Variants in CPB2 observed in about 807,000 individuals in gnomAD.
The protein encoded by CPB2 is carboxypeptidase B2, also known as carboxypeptidase B-like protein.
Under a neutral mutation model 57.0 loss-of-function variants are expected in CPB2, and 54 were observed. The observed-to-expected ratio is 0.95, with a 90% confidence interval of 0.76 to 1.19. CPB2 has a LOEUF of 1.19. Ranked by LOEUF, CPB2 falls within the 50% of genes most tolerant of loss-of-function variation. CPB2 has a pLI of 0.00. For synonymous variants in CPB2, 189 were observed against 178.1 expected (o/e 1.06, Z -0.49); for missense variants, 426 against 512.0 (o/e 0.83, Z 1.62).
intron 8 of CPB2, among the ~76,000 whole-genome samples, chr13:46,061,040 A>T (rs980755120): frequency 2.0e-5 from 3 of 152,140 alleles, no homozygotes; most frequent in Non-Finnish European, 2.9e-5. Flanking sequence ...GAAGGTAGGG[A>T]TGAGGAGATA....
rs372363099 is a variant in CPB2, at chr13:46,075,710, C to A, written c.487-1733G>T. 2.6e-5 allele frequency among the ~76,000 whole-genome samples: 4 copies of A among 152,120 alleles called. No homozygotes were observed. The East Asian group carries it at 5.8e-4, about 22-fold the overall frequency. On this transcript the variant is annotated intron_variant, in intron 5 of 10. Coordinates refer to ENST00000181383, the MANE Select transcript of CPB2 (RefSeq NM_001872.5). ...TTATCTTTGAATGACTGAAGAGGCT[C>A]ACCTATCACAATTTAGATAATATTG... is the stretch of plus-strand genomic sequence containing the variant.
intron 1 of CPB2, among the ~76,000 whole-genome samples, chr13:46,094,606 CA>C (rs2045339946): frequency 6.6e-6 from 1 of 152,114 alleles, no homozygotes; most frequent in Non-Finnish European, 1.5e-5. Flanking sequence ...AGGGCTTAAC[CA>C]CCAGTAACAA....
At chr13:46,091,036 A>G (rs1193461822) in intron 1 of CPB2, among the ~76,000 whole-genome samples, 1 of 152,178 alleles carries the variant, frequency 6.6e-6, no homozygotes, top group African/African-American at 2.4e-5. Context: ...ACATTTTTAA[A>G]TTATGTTTTC....
At chr13:46,059,570 T>A (rs1427687079) in intron 8 of CPB2, among the ~76,000 whole-genome samples, 1 of 131,546 alleles carries the variant, frequency 7.6e-6, no homozygotes, top group Non-Finnish European at 1.6e-5. Flanking sequence ...TCATAACTGT[T>A]GCTGTTTATC....
In CPB2 at chr13:46,093,369, T is replaced by C. The variant is rs138845636; in HGVS notation, c.75-5549A>G. ...TTTATGTCAATCTCTGGTACAAGTT[T>C]AGCATAAACTATTAAACCACTGATT... On this transcript the variant is annotated intron_variant, in intron 1 of 10. Coordinates refer to ENST00000181383, the MANE Select transcript of CPB2 (RefSeq NM_001872.5). 1.2e-4 allele frequency among the ~76,000 whole-genome samples: 19 copies of C among 152,358 alleles called. No individual in the cohort carries two copies. In the East Asian group the frequency reaches 3.5e-3, roughly 28 times the overall value.
chr13:46,070,725 A>G lies in CPB2; in HGVS notation c.591+3148T>C, dbSNP rs139272623. On this transcript the variant is annotated intron_variant, in intron 6 of 10. Transcript: ENST00000181383. The stretch of plus-strand genomic sequence containing the variant: ...TCATTTTCATTACCATTACAAATAT[A>G]TCAGAGAGCTATCCGTCTCAGTTTT... Among the ~76,000 whole-genome samples the G allele has an allele frequency of 2.8e-3, 421 of 152,328 alleles. 1 individual carries two copies. The highest frequency in any genetic ancestry group is 0.02 in the Middle Eastern group (6 of 294).
At chr13:46,069,577 A>G (rs966854130) in intron 6 of CPB2, among the ~76,000 whole-genome samples, 2 of 152,186 alleles carry the variant, frequency 1.3e-5, no homozygotes, top group African/African-American at 4.8e-5. Context: ...TGGACATTTC[A>G]TATAAATGGA....
chr13:46,072,605 A>G (rs1221865384), intron 6 of CPB2, among the ~76,000 whole-genome samples: 2 of 152,152 alleles, frequency 1.3e-5, no homozygotes, highest in Non-Finnish European at 2.9e-5. Flanking sequence ...AAATAATTTA[A>G]TCTTACAAAG....
intron 8 of CPB2, among the ~76,000 whole-genome samples, chr13:46,060,187 G>T (rs988212794): frequency 4.6e-5 from 7 of 152,260 alleles, no homozygotes; most frequent in South Asian, 2.1e-4. Flanking sequence ...AGAAGGCCAG[G>T]CACGGTGGCT....
intron 8 of CPB2, among the ~76,000 whole-genome samples, chr13:46,061,986 T>TGGTA (rs990332074): frequency 6.6e-6 from 1 of 151,964 alleles, no homozygotes; most frequent in Non-Finnish European, 1.5e-5. Context: ...CTGGAACAGT[T>TGGTA]GGTAATAAGG....
intron 1 of CPB2, among the ~76,000 whole-genome samples, chr13:46,092,047 A>G (rs1372851957): frequency 6.6e-6 from 1 of 152,118 alleles, no homozygotes; most frequent in Non-Finnish European, 1.5e-5. Flanking sequence ...CTTTTTTTTA[A>G]CTGAACGAGA....
At chr13:46,075,080 A>C (rs758763793) in intron 5 of CPB2, among the ~76,000 whole-genome samples, 1 of 152,198 alleles carries the variant, frequency 6.6e-6, no homozygotes, top group East Asian at 1.9e-4. Flanking sequence ...ACTGTTGTAA[A>C]ATCAAACAAA....
rs780746611 is a variant in CPB2, at chr13:46,087,740, A to C, written c.150+5T>G. On this transcript the variant is annotated splice_donor_5th_base_variant and intron_variant, in intron 2 of 10. Coordinates refer to ENST00000181383, the MANE Select transcript of CPB2 (RefSeq NM_001872.5). ...CAATATAAACATAAATTAGGGAGAA[A>C]TTACCTCATATGTTGTAGTAAGATT... 7 of 1,588,320 alleles carry C rather than the reference A, an allele frequency of 4.4e-6. No individual in the cohort carries two copies. In the South Asian group the frequency reaches 7.8e-5, roughly 18 times the overall value.
At chr13:46,062,589 T>A (rs1211024827) in intron 8 of CPB2, among the ~76,000 whole-genome samples, 1 of 152,194 alleles carries the variant, frequency 6.6e-6, no homozygotes, top group African/African-American at 2.4e-5. Context: ...CCCTGGAACC[T>A]AAGTCGGGAT....
At chr13:46,067,550 A>G (rs9316180) in intron 6 of CPB2, 133 bp from the exon 7 acceptor site, 187,906 of 579,096 alleles carry the variant, frequency 0.32, 31,385 homozygotes, top group African/African-American at 0.39. Context: ...AAGAGTGCTA[A>G]TTCCTCAAAA....
In CPB2 at chr13:46,073,876, G is replaced by A. The variant is rs774813201; in HGVS notation, c.588C>T (p.Gly196=). The A allele has an allele frequency of 2.6e-6, 4 of 1,552,920 alleles. No homozygotes were observed. The highest frequency in any genetic ancestry group is 2.3e-5 in the East Asian group (1 of 43,940). The change falls in exon 6 of 11, where the codon GGC becomes GGT. Residue 196 remains glycine (G), a synonymous_variant. Coordinates refer to ENST00000181383, the MANE Select transcript of CPB2 (RefSeq NM_001872.5). ...TTAAGAGAATGTGAATACTTACATG[G>A]CCTATGAACCACAAGCAGAAAGCAG... ...ISPAFCLWFI[G]HITQFYGIIG...
chr13:46,076,009 G>A (rs887112897), intron 5 of CPB2, among the ~76,000 whole-genome samples: 2 of 152,094 alleles, frequency 1.3e-5, no homozygotes, highest in Non-Finnish European at 2.9e-5. Context: ...TAACCAAATG[G>A]GTGGAAATTG....
At chr13:46,059,725 T>C (rs1257021108) in intron 8 of CPB2, among the ~76,000 whole-genome samples, 1 of 152,226 alleles carries the variant, frequency 6.6e-6, no homozygotes, top group East Asian at 1.9e-4. Context: ...TTCCTTTCTG[T>C]TTCTGAGTCC....
chr13:46,101,649 A>G (rs2045435649), intron 1 of CPB2, among the ~76,000 whole-genome samples: 1 of 152,220 alleles, frequency 6.6e-6, no homozygotes, highest in African/African-American at 2.4e-5. Context: ...ACTTGAGAAA[A>G]AAGAACAGCC....
Sources: gnomAD v4.1 joint callset for allele counts (sites outside exome capture counted in the v4.1 genomes callset) on GRCh38, gnomAD v4.1.1 for gene constraint, MANE v1.5 for transcripts, NCBI Gene and HGNC (gene_info 2026-07-23, HGNC 2026-07-21) for gene names.